The following IGSF10 variants were observed in gnomAD, a reference collection of about 807,000 sequenced individuals.
The protein encoded by IGSF10 is calvaria mechanical force protein 608.
IGSF10 carries 126 observed loss-of-function variants against 128.2 expected under a neutral mutation model. That is an observed-to-expected ratio of 0.98 (90% CI 0.85 to 1.14). IGSF10 has a LOEUF of 1.14. Ranked by LOEUF, IGSF10 falls within the 50% of genes most tolerant of loss-of-function variation. The probability of loss-of-function intolerance (pLI) is 0.00; values close to 1 mark genes in which losing one functional copy is unlikely to be tolerated. For missense variants in IGSF10, 3,295 were observed against 3,149.8 expected, an observed-to-expected ratio of 1.05 and a Z score of -1.10; for synonymous variants, 1,185 against 1,146.2, an observed-to-expected ratio of 1.03 and a Z score of -0.68.
At chr3:151,465,042 A>G (rs1003141044), upstream of IGSF10, among the ~76,000 whole-genome samples, 84 of 152,220 alleles carry the variant, frequency 5.5e-4, no homozygotes, top group African/African-American at 2.0e-3. Context: ...TTATAAGTCC[A>G]TGGACTCTGG....
chr3:151,607,158 G>A, the IGSF10 span, among the ~76,000 whole-genome samples: 2 of 152,148 alleles, frequency 1.3e-5, no homozygotes, highest in Non-Finnish European at 2.9e-5. Flanking sequence ...TCTGTTCTTG[G>A]GGTGGAATCG....
At chr3:151,543,742 T>A in the IGSF10 span, among the ~76,000 whole-genome samples, 1 of 152,192 alleles carries the variant, frequency 6.6e-6, no homozygotes, top group African/African-American at 2.4e-5. Flanking sequence ...GAGGTGTGCG[T>A]CTGCCTGCCA....
At chr3:151,598,052 C>T in the IGSF10 span, among the ~76,000 whole-genome samples, 2 of 149,328 alleles carry the variant, frequency 1.3e-5, no homozygotes, top group South Asian at 2.1e-4. Context: ...AGAAATGTTA[C>T]CTGCACAAAT....
chr3:151,434,248 A>G (rs1719843618), downstream of IGSF10: 1 of 152,204 alleles, frequency 6.6e-6, no homozygotes, highest in Non-Finnish European at 1.5e-5. Flanking sequence ...AGCTAGTACA[A>G]CTTTAGTAGA....
At chr3:151,568,438 G>T in the IGSF10 span, among the ~76,000 whole-genome samples, 1 of 151,954 alleles carries the variant, frequency 6.6e-6, no homozygotes. Flanking sequence ...CTTTAAATGG[G>T]GTCTGGGACA....
the IGSF10 span, among the ~76,000 whole-genome samples, chr3:151,532,790 T>C: frequency 6.6e-6 from 1 of 152,136 alleles, no homozygotes; most frequent in Non-Finnish European, 1.5e-5. Flanking sequence ...TCTCTCACAC[T>C]CCTATTCAAC....
At chr3:151,559,835 C>T in the IGSF10 span, among the ~76,000 whole-genome samples, 1 of 152,136 alleles carries the variant, frequency 6.6e-6, no homozygotes, top group Non-Finnish European at 1.5e-5. Flanking sequence ...GAGAAAAAGA[C>T]TTTACATGGG....
chr3:151,593,360 C>A, the IGSF10 span, among the ~76,000 whole-genome samples: 1 of 152,134 alleles, frequency 6.6e-6, no homozygotes, highest in Non-Finnish European at 1.5e-5. Flanking sequence ...GATCATCCTG[C>A]CTTCACCTCC....
the IGSF10 span, among the ~76,000 whole-genome samples, chr3:151,534,427 A>T: frequency 2.0e-5 from 3 of 152,176 alleles, no homozygotes; most frequent in African/African-American, 7.2e-5. Flanking sequence ...ATGATAGACC[A>T]GATAAAGAAA....
chr3:151,484,288 G>A, the IGSF10 span, among the ~76,000 whole-genome samples: 4 of 152,204 alleles, frequency 2.6e-5, no homozygotes, highest in Non-Finnish European at 4.4e-5. Context: ...TGAAAAAAAG[G>A]CAGCAGCCCC....
At chr3:151,496,926 C>T in the IGSF10 span, among the ~76,000 whole-genome samples, 1 of 152,088 alleles carries the variant, frequency 6.6e-6, no homozygotes, top group African/African-American at 2.4e-5. Context: ...TCTCTGATGG[C>T]CAGTGATGAT....
At chr3:151,568,339 C>A in the IGSF10 span, among the ~76,000 whole-genome samples, 3 of 152,088 alleles carry the variant, frequency 2.0e-5, no homozygotes, top group Non-Finnish European at 2.9e-5. Context: ...AGACACTGTG[C>A]AAACCAAAAT....
At chr3:151,589,533 T>C in the IGSF10 span, among the ~76,000 whole-genome samples, 1 of 152,164 alleles carries the variant, frequency 6.6e-6, no homozygotes, top group East Asian at 1.9e-4. Flanking sequence ...CCATGGTAAA[T>C]CCTTCCATAG....
chr3:151,490,505 A>AT, the IGSF10 span, among the ~76,000 whole-genome samples: 45,176 of 148,834 alleles, frequency 0.3, 7,145 homozygotes, highest in East Asian at 0.62. Flanking sequence ...TTTGAACTGC[A>AT]TTTTTTTTTT....
chr3:151,495,223 C>A, the IGSF10 span, among the ~76,000 whole-genome samples: 1 of 152,284 alleles, frequency 6.6e-6, no homozygotes, highest in South Asian at 2.1e-4. Context: ...CATTCCAAAG[C>A]TGCAACCTGG....
chr3:151,601,942 G>A, the IGSF10 span, among the ~76,000 whole-genome samples: 6 of 152,078 alleles, frequency 3.9e-5, no homozygotes, highest in African/African-American at 1.4e-4. Flanking sequence ...GTCCTCACAA[G>A]TATGCTTTTT....
chr3:151,503,521 G>A, the IGSF10 span, among the ~76,000 whole-genome samples: 30 of 152,162 alleles, frequency 2.0e-4, no homozygotes, highest in East Asian at 5.6e-3. Flanking sequence ...AGACAAAGGA[G>A]TAAACTAAGA....
At chr3:151,436,029 AAAAT>A (rs1451866826), downstream of IGSF10, 1 of 152,200 alleles carries the variant, frequency 6.6e-6, no homozygotes, top group South Asian at 2.1e-4. Flanking sequence ...TATTTGGACA[AAAAT>A]AACCCCCTTT....
the IGSF10 span, among the ~76,000 whole-genome samples, chr3:151,594,361 T>G: frequency 7.1e-6 from 1 of 141,548 alleles, no homozygotes; most frequent in African/African-American, 2.7e-5. Context: ...TTAGACGGAG[T>G]CTTGCTCTGT....
Sources: allele counts gnomAD v4.1 joint callset (sites outside exome capture counted in the v4.1 genomes callset), GRCh38; gene constraint gnomAD v4.1.1; transcripts MANE v1.5; gene names NCBI Gene and HGNC (gene_info 2026-07-23, HGNC 2026-07-21).